Variants in PKP1 observed in about 807,000 individuals in gnomAD.
PKP1 encodes plakophilin 1.
PKP1 carries 27 observed loss-of-function variants against 76.4 expected under a neutral mutation model. That is an observed-to-expected ratio of 0.35 (90% confidence interval 0.26 to 0.49). The LOEUF is 0.49. Among genes scored for constraint, PKP1 ranks in the 20% least tolerant of loss-of-function variants. The pLI is 0.99. For synonymous variants in PKP1, 404 were observed against 384.2 expected, an observed-to-expected ratio of 1.05 and a Z score of -0.60; for missense variants, 964 against 955.2, an observed-to-expected ratio of 1.01 and a Z score of -0.12.
chr1:201,285,798 G>A (rs1267013250), intron 1 of PKP1, among the ~76,000 whole-genome samples: 2 of 152,198 alleles, frequency 1.3e-5, no homozygotes, highest in Non-Finnish European at 2.9e-5. Flanking sequence ...TGGTCTTTGT[G>A]GGGAACTTCT....
At chr1:201,304,899 C>T (rs1455340873) in intron 2 of PKP1, among the ~76,000 whole-genome samples, 6 of 152,232 alleles carry the variant, frequency 3.9e-5, no homozygotes. Flanking sequence ...ACAAACAGAA[C>T]AAAGCTGCTG....
chr1:201,325,944 C>T (rs1417095306), intron 12 of PKP1, 106 bp downstream of exon 12: 10 of 780,548 alleles, frequency 1.3e-5, no homozygotes, highest in Non-Finnish European at 2.3e-5. Context: ...CGCCCCTGCC[C>T]TTCGGGACAG....
At position 201,300,827 on chromosome 1, in the gene PKP1, G is replaced by A. The variant is rs115447986; in HGVS notation, c.306+6782G>A. Among the ~76,000 whole-genome samples the A allele has an allele frequency of 5.4e-3, 824 of 152,310 alleles. 7 individuals are homozygous for A. The highest frequency in any genetic ancestry group is 0.017 in the African/African-American group (712 of 41,568). The stretch of plus-strand genomic sequence containing the variant: ...GGGCAAGCTCCAGGTGCAGGAAGTC[G>A]GGATCGGCTCCTGGAGGAGCTGAGC... On this transcript the variant is annotated intron_variant, in intron 2 of 13. Transcript: ENST00000367324.
intron 12 of PKP1, among the ~76,000 whole-genome samples, chr1:201,326,207 C>G (rs1275546374): frequency 6.6e-6 from 1 of 152,202 alleles, no homozygotes; most frequent in Non-Finnish European, 1.5e-5. Context: ...GTTACAAAAC[C>G]CTTCTAATGT....
chr1:201,283,978 ACG>A, intron 1 of PKP1, 74 bp downstream of exon 1: 1 of 1,355,754 alleles, frequency 7.4e-7, no homozygotes, highest in East Asian at 2.4e-5. Context: ...GGACCAAGAG[ACG>A]CACGCATCCC....
In PKP1 at chr1:201,330,344, A is replaced by C. The variant is rs932508958; in HGVS notation, c.*303A>C. ...TGAGAAATGGTATATATATGTGTAT[A>C]ATGTAAGTGTGTGCATGCATGTGCG... On this transcript the variant is annotated 3_prime_UTR_variant, in exon 14 of 14. Coordinates refer to ENST00000367324, the MANE Select transcript of PKP1 (RefSeq NM_001005337.3). The C allele has an allele frequency of 2.0e-5, 3 of 151,988 alleles. No individual in the cohort carries two copies. Among genetic ancestry groups the C allele is most frequent in the Non-Finnish European group, 4.4e-5 (3 of 68,004 alleles). The allele number at this position is 151,988 out of a possible 1,614,324, so 9.4% of individuals were successfully genotyped here. A position where few individuals can be genotyped will look rare whatever the true frequency, so the allele number is the denominator to read the frequency against.
At chr1:201,324,362 C>T in intron 9 of PKP1, 66 bp from the exon 10 acceptor site, 1 of 1,545,412 alleles carries the variant, frequency 6.5e-7, no homozygotes, top group East Asian at 2.3e-5. Flanking sequence ...GCTCCTTGCC[C>T]CTTTCTGCCT....
chr1:201,304,250 A>G (rs567705351), intron 2 of PKP1, among the ~76,000 whole-genome samples: 32 of 152,260 alleles, frequency 2.1e-4, no homozygotes, highest in Non-Finnish European at 2.8e-4. Context: ...GCTCAGCAAG[A>G]CTGAACTAAT....
At chr1:201,317,452 T>G in intron 4 of PKP1, 120 bp from the exon 5 acceptor site, 1 of 864,220 alleles carries the variant, frequency 1.2e-6, no homozygotes, top group Non-Finnish European at 1.9e-6. Context: ...TTTGGTTGAC[T>G]TGAATATTTC....
intron 1 of PKP1, among the ~76,000 whole-genome samples, chr1:201,293,295 A>G (rs1264272439): frequency 3.9e-5 from 6 of 152,148 alleles, no homozygotes; most frequent in African/African-American, 9.7e-5. Context: ...TAATAACCCT[A>G]ATGACACTCT....
At chr1:201,312,827 G>A (rs1196709596) in intron 2 of PKP1, among the ~76,000 whole-genome samples, 1 of 152,128 alleles carries the variant, frequency 6.6e-6, no homozygotes, top group Non-Finnish European at 1.5e-5. Flanking sequence ...CACGTATGTT[G>A]CAACCCAGTA....
At position 201,283,606 on chromosome 1, in the gene PKP1, C is replaced by G. The variant is rs1213131872; in HGVS notation, c.-97C>G. ...TATGGCCGTAGGGAGCCGCTGAGAG[C>G]GAGAAGAGCACGCTCCTGCCCGCCC... On this transcript the variant is annotated 5_prime_UTR_variant, in exon 1 of 14. Coordinates refer to ENST00000367324, the MANE Select transcript of PKP1 (RefSeq NM_001005337.3). 9.3e-7 allele frequency: 1 copy of G among 1,075,628 alleles called. No individual in the cohort carries two copies. Among genetic ancestry groups the G allele is most frequent in the African/African-American group, 1.6e-5 (1 of 63,494 alleles). 66.6% of individuals were successfully genotyped at this position (1,075,628 alleles called of 1,614,324 possible).
intron 4 of PKP1, 31 bp downstream of exon 4, chr1:201,316,728 G>A: frequency 6.2e-7 from 1 of 1,611,986 alleles, no homozygotes; most frequent in Non-Finnish European, 8.5e-7. Flanking sequence ...CTCCTTGGTG[G>A]GCCTGCGGAG....
intron 3 of PKP1, among the ~76,000 whole-genome samples, chr1:201,314,788 C>A (rs1014743495): frequency 6.6e-6 from 1 of 152,214 alleles, no homozygotes; most frequent in African/African-American, 2.4e-5. Context: ...TTGACAAGTG[C>A]GGGAGACACA....
chr1:201,329,783 G>A (rs775945333), intron 13 of PKP1, among the ~76,000 whole-genome samples: 6 of 152,226 alleles, frequency 3.9e-5, no homozygotes, highest in Non-Finnish European at 7.3e-5. Context: ...ACAACTTGAA[G>A]GCAGAAAAGG....
intron 1 of PKP1, 145 bp from the exon 2 acceptor site, chr1:201,293,797 A>G: frequency 4.3e-6 from 3 of 697,082 alleles, no homozygotes; most frequent in Non-Finnish European, 5.3e-6. Context: ...GATGGAGATG[A>G]CATTCCCCAC....
intron 1 of PKP1, among the ~76,000 whole-genome samples, chr1:201,288,060 A>G (rs1168051308): frequency 1.3e-5 from 2 of 152,030 alleles, no homozygotes; most frequent in East Asian, 3.9e-4. Flanking sequence ...GCACACACTT[A>G]TGTTATGTGT....
chr1:201,312,384 A>G (rs927596039), intron 2 of PKP1, among the ~76,000 whole-genome samples: 1 of 152,218 alleles, frequency 6.6e-6, no homozygotes, highest in African/African-American at 2.4e-5. Context: ...GGAATGGCAT[A>G]GGGCTTGGAG....
At chr1:201,317,467 C>T in intron 4 of PKP1, 105 bp from the exon 5 acceptor site, 1 of 914,102 alleles carries the variant, frequency 1.1e-6, no homozygotes, top group South Asian at 1.4e-5. Context: ...TATTTCTGAA[C>T]TGATAGATTT....
Sources: gnomAD v4.1 joint callset for allele counts (sites outside exome capture counted in the v4.1 genomes callset) on GRCh38, gnomAD v4.1.1 for gene constraint, MANE v1.5 for transcripts, NCBI Gene and HGNC (gene_info 2026-07-23, HGNC 2026-07-21) for gene names.